The following ATP8A2 variants were observed in gnomAD, a reference collection of about 807,000 sequenced individuals.
ATP8A2 encodes ATPase phospholipid transporting 8A2.
Under a neutral mutation model 165.6 loss-of-function variants are expected in ATP8A2, and 100 were observed. The ratio of observed to expected loss-of-function variants is 0.60; its 90% CI spans 0.51 to 0.71. The LOEUF is 0.71. Ranked by LOEUF, ATP8A2 falls within the 30% of genes least tolerant of loss-of-function variation. The probability of loss-of-function intolerance (pLI) is 0.00; values close to 1 mark genes in which losing one functional copy is unlikely to be tolerated. For synonymous variants in ATP8A2, 543 were observed against 548.8 expected, an observed-to-expected ratio of 0.99 and a Z score of 0.15; for missense variants, 1,227 against 1,479.5, an observed-to-expected ratio of 0.83 and a Z score of 2.80.
chr13:25,828,088 T>G, intron 27 of ATP8A2, 30 bp from the exon 28 acceptor site: 1 of 1,584,788 alleles, frequency 6.3e-7, no homozygotes, highest in Non-Finnish European at 8.7e-7. Flanking sequence ...AATATTGATA[T>G]AAAACTTCAT....
chr13:25,909,085 C>T (rs1954031400), intron 33 of ATP8A2, among the ~76,000 whole-genome samples: 1 of 152,064 alleles, frequency 6.6e-6, no homozygotes, highest in Non-Finnish European at 1.5e-5. Flanking sequence ...TTTATTTAAA[C>T]CTGATATCAG....
At chr13:25,400,772 C>T (rs1019670599) in intron 1 of ATP8A2, among the ~76,000 whole-genome samples, 44 of 152,292 alleles carry the variant, frequency 2.9e-4, no homozygotes, top group Admixed American at 5.9e-4. Flanking sequence ...TCTTGGGCCT[C>T]CTATGCTGTG....
intron 27 of ATP8A2, among the ~76,000 whole-genome samples, chr13:25,826,353 A>C (rs1356329386): frequency 6.6e-6 from 1 of 152,228 alleles, no homozygotes. Flanking sequence ...TTTTTTGAAC[A>C]GGGTAATGAC....
At chr13:25,550,256 G>A (rs896348886) in intron 10 of ATP8A2, among the ~76,000 whole-genome samples, 3 of 152,244 alleles carry the variant, frequency 2.0e-5, no homozygotes, top group Non-Finnish European at 4.4e-5. Context: ...AGTGAGCTGA[G>A]GTCACACCAC....
At chr13:25,431,992 G>GT (rs772280347) in intron 1 of ATP8A2, among the ~76,000 whole-genome samples, 1 of 152,154 alleles carries the variant, frequency 6.6e-6, no homozygotes, top group African/African-American at 2.4e-5. Context: ...CGTATGGTGT[G>GT]TGGCCTTTGT....
intron 1 of ATP8A2, among the ~76,000 whole-genome samples, chr13:25,397,905 GA>G (rs2033484258): frequency 6.6e-6 from 1 of 151,968 alleles, no homozygotes. Context: ...TTGGTTGAAA[GA>G]GTTCAGCTTC....
intron 24 of ATP8A2, among the ~76,000 whole-genome samples, chr13:25,600,517 G>A (rs2040354861): frequency 6.6e-6 from 1 of 152,192 alleles, no homozygotes; most frequent in Admixed American, 6.5e-5. Flanking sequence ...AGTGGAAGGA[G>A]CGGAAGGAGC....
At chr13:25,640,698 C>T (rs891506789) in intron 24 of ATP8A2, among the ~76,000 whole-genome samples, 2 of 152,196 alleles carry the variant, frequency 1.3e-5, no homozygotes, top group Non-Finnish European at 2.9e-5. Context: ...GGTACCATTC[C>T]TTCTGAAATG....
At chr13:25,757,019 T>C (rs911783394) in intron 25 of ATP8A2, among the ~76,000 whole-genome samples, 8 of 152,232 alleles carry the variant, frequency 5.3e-5, no homozygotes, top group African/African-American at 1.7e-4. Context: ...TTCCCCCTCA[T>C]TAATATGTTC....
At chr13:25,785,800 A>T (rs2045009271) in intron 27 of ATP8A2, among the ~76,000 whole-genome samples, 4 of 152,252 alleles carry the variant, frequency 2.6e-5, no homozygotes, top group Admixed American at 2.6e-4. Flanking sequence ...TAGAAAAGTC[A>T]GTGGGCCAAC....
intron 24 of ATP8A2, among the ~76,000 whole-genome samples, chr13:25,607,684 A>G (rs1333585510): frequency 2.0e-5 from 3 of 151,826 alleles, no homozygotes; most frequent in African/African-American, 7.2e-5. Flanking sequence ...CTGTAGCTAT[A>G]TTTCTGAAAC....
chr13:25,389,076 A>G (rs540731752), intron 1 of ATP8A2, among the ~76,000 whole-genome samples: 21 of 152,350 alleles, frequency 1.4e-4, no homozygotes, highest in Middle Eastern at 6.8e-3. Flanking sequence ...GGCTGTGATA[A>G]GACAAACAAG....
At chr13:26,007,572 G>A (rs548961455) in intron 35 of ATP8A2, among the ~76,000 whole-genome samples, 2 of 152,236 alleles carry the variant, frequency 1.3e-5, no homozygotes, top group Non-Finnish European at 2.9e-5. Context: ...TAGAAACCAG[G>A]TGGAGTCAAT....
intron 26 of ATP8A2, among the ~76,000 whole-genome samples, chr13:25,769,959 G>GGA (rs1225775176): frequency 6.6e-6 from 1 of 152,210 alleles, no homozygotes; most frequent in African/African-American, 2.4e-5. Flanking sequence ...CAAAGGTGAA[G>GGA]GAAGATAGCC....
At chr13:25,988,233 C>T (rs908843169) in intron 35 of ATP8A2, among the ~76,000 whole-genome samples, 2 of 152,254 alleles carry the variant, frequency 1.3e-5, no homozygotes, top group African/African-American at 4.8e-5. Context: ...CTGTCTGGTC[C>T]TGCAGCATCA....
At chr13:25,760,690 C>T (rs1229061277) in intron 25 of ATP8A2, among the ~76,000 whole-genome samples, 2 of 152,088 alleles carry the variant, frequency 1.3e-5, no homozygotes, top group African/African-American at 2.4e-5. Flanking sequence ...GAACCCTTTA[C>T]ACAACAAGGA....
chr13:25,860,710 G>A (rs2138757112), intron 31 of ATP8A2, 94 bp from the exon 32 acceptor site: 2 of 964,342 alleles, frequency 2.1e-6, no homozygotes, highest in East Asian at 2.6e-5. Context: ...CCTTGGGGAA[G>A]CTAGTTCTGG....
chr13:25,591,239 A>G (rs1225312802), intron 24 of ATP8A2: 2 of 456,344 alleles, frequency 4.4e-6, no homozygotes, highest in Admixed American at 2.4e-5. Flanking sequence ...AACCATCACC[A>G]CTATCCATCC....
chr13:25,410,989 A>G (rs1233232546), intron 1 of ATP8A2, among the ~76,000 whole-genome samples: 3 of 152,316 alleles, frequency 2.0e-5, no homozygotes, highest in South Asian at 2.1e-4. Context: ...TGTTTTTAAC[A>G]TCTCTGTTCC....
Sources: allele counts gnomAD v4.1 joint callset (sites outside exome capture counted in the v4.1 genomes callset), GRCh38; gene constraint gnomAD v4.1.1; transcripts MANE v1.5; gene names NCBI Gene and HGNC (gene_info 2026-07-23, HGNC 2026-07-21).